The following SCGB1A1 variants were observed in gnomAD, a reference collection of about 807,000 sequenced individuals.
SCGB1A1 encodes secretoglobin family 1A member 1, also known as uteroglobin.
Under a neutral mutation model 7.5 loss-of-function variants are expected in SCGB1A1, and 8 were observed. The observed-to-expected ratio is 1.07, with a 90% confidence interval of 0.63 to 1.92. The LOEUF (loss-of-function observed/expected upper bound fraction) is 1.92, where lower values mean the gene tolerates loss of function less well. Ranked by LOEUF, SCGB1A1 falls within the 30% of genes most tolerant of loss-of-function variation. SCGB1A1 has a pLI of 0.00. For synonymous variants in SCGB1A1, 44 were observed against 40.8 expected (o/e 1.08, Z -0.30); for missense variants, 121 against 112.7 (o/e 1.07, Z -0.33).
intron 2 of SCGB1A1, 79 bp from the exon 3 acceptor site, chr11:62,422,980 G>A: frequency 3.7e-6 from 5 of 1,349,304 alleles, no homozygotes; most frequent in Non-Finnish European, 5.3e-6. Flanking sequence ...AAGTTTCTGT[G>A]GCTCGTCATC....
At chr11:62,422,981 G>A in intron 2 of SCGB1A1, 78 bp from the exon 3 acceptor site, 2 of 1,360,284 alleles carry the variant, frequency 1.5e-6, no homozygotes, top group South Asian at 1.2e-5. Flanking sequence ...AGTTTCTGTG[G>A]CTCGTCATCT....
At chr11:62,421,136 T>A (rs142609947) in intron 1 of SCGB1A1, among the ~76,000 whole-genome samples, 1 of 152,218 alleles carries the variant, frequency 6.6e-6, no homozygotes, top group Non-Finnish European at 1.5e-5. Flanking sequence ...AGTGGCAATT[T>A]CTAGTGAGGC....
rs1041849810 is a variant in SCGB1A1, at chr11:62,419,103, T to C, written c.8T>C (p.Leu3Pro). MK[L>P]AVTLTLVTLA... ...GCATCCCCCTCCTCCACCATGAAAC[T>C]CGCTGTCACCCTCACCCTGGTCACA... Residue 3 changes from leucine to proline, a missense_variant, in exon 1 of 3, where the codon CTC becomes CCC. Transcript: ENST00000278282. The C allele has an allele frequency of 8.8e-6, 14 of 1,583,008 alleles. No individual in the cohort carries two copies. The highest frequency in any genetic ancestry group is 1.4e-5 in the African/African-American group (1 of 73,942).
At chr11:62,421,491 T>TTGCTTG (rs1565187880) in intron 1 of SCGB1A1, among the ~76,000 whole-genome samples, 13 of 148,734 alleles carry the variant, frequency 8.7e-5, no homozygotes, top group Non-Finnish European at 1.3e-4. Context: ...TTTTCTTTTC[T>TTGCTTG]CTTGCTTGCT....
intron 2 of SCGB1A1, 43 bp from the exon 3 acceptor site, chr11:62,423,016 C>T: frequency 6.3e-7 from 1 of 1,584,944 alleles, no homozygotes; most frequent in Non-Finnish European, 8.7e-7. Flanking sequence ...AATTCATTCA[C>T]TGTTGTATTG....
intron 1 of SCGB1A1, among the ~76,000 whole-genome samples, chr11:62,420,857 C>T (rs1937770923): frequency 6.6e-6 from 1 of 151,734 alleles, no homozygotes; most frequent in Non-Finnish European, 1.5e-5. Context: ...ATCACTTGAA[C>T]CTGGGAGGCA....
At chr11:62,421,491 T>TCTTGCTTGCTTGCTTGCTTGCTTG (rs10676203) in intron 1 of SCGB1A1, among the ~76,000 whole-genome samples, 2 of 148,736 alleles carry the variant, frequency 1.3e-5, no homozygotes, top group African/African-American at 5.0e-5. Context: ...TTTTCTTTTC[T>TCTTGCTTGCTTGCTTGCTTGCTTG]CTTGCTTGCT....
At chr11:62,421,653 G>A (rs2509969) in intron 1 of SCGB1A1, among the ~76,000 whole-genome samples, 14,848 of 150,312 alleles carry the variant, frequency 0.099, 2,423 homozygotes, top group African/African-American at 0.34. Flanking sequence ...CTAGGATTAC[G>A]GGTGCCCAGA....
At chr11:62,422,597 C>A (rs1237645641) in intron 2 of SCGB1A1, among the ~76,000 whole-genome samples, 189 bp downstream of exon 2, 5 of 111,974 alleles carry the variant, frequency 4.5e-5, no homozygotes, top group East Asian at 2.5e-4. Context: ...TTTTTTGAGA[C>A]AGAGTCTCGC....
chr11:62,421,526 T>TGC (rs1565187905), intron 1 of SCGB1A1, among the ~76,000 whole-genome samples: 2 of 151,940 alleles, frequency 1.3e-5, no homozygotes, highest in Non-Finnish European at 2.9e-5. Context: ...CTTGCTTGCT[T>TGC]TTTGAGACAG....
At chr11:62,420,804 G>T (rs987164295) in intron 1 of SCGB1A1, among the ~76,000 whole-genome samples, 1 of 151,266 alleles carries the variant, frequency 6.6e-6, no homozygotes, top group African/African-American at 2.4e-5. Context: ...GCATGGTGGC[G>T]CATGCCTGTA....
rs373607301 is a variant in SCGB1A1, at chr11:62,421,335, G to T, written c.56-886G>T. Among the ~76,000 whole-genome samples the T allele has an allele frequency of 1.8e-3, 268 of 152,304 alleles. 2 individuals are homozygous for T. Among genetic ancestry groups the T allele is most frequent in the African/African-American group, 6.2e-3 (256 of 41,570 alleles). ...AGCTCTGTGTTGAAGGGAATGAAGT[G>T]GTACAAGTGGCTGCTCTGTCCATGA... On this transcript the variant is annotated intron_variant, in intron 1 of 2. Transcript: ENST00000278282.
chr11:62,420,750 C>A (rs554091063), intron 1 of SCGB1A1, among the ~76,000 whole-genome samples: 14 of 151,234 alleles, frequency 9.3e-5, no homozygotes, highest in African/African-American at 3.4e-4. Context: ...ACCTGGCCAA[C>A]ATGGTGAAAC....
chr11:62,423,137 C>G lies in SCGB1A1; in HGVS notation c.*46C>G, dbSNP rs747759927. On this transcript the variant is annotated 3_prime_UTR_variant, in exon 3 of 3. Coordinates refer to ENST00000278282, the MANE Select transcript of SCGB1A1 (RefSeq NM_003357.5). ...CCAACTGCTCCAGCCTCTGCCGCTG[C>G]CATGCTTTGAGTCCACGCCCACCAG... The G allele has an allele frequency of 5.3e-5, 84 of 1,593,256 alleles. No individual in the cohort carries two copies. Among genetic ancestry groups the G allele is most frequent in the Non-Finnish European group, 6.8e-5 (79 of 1,161,328 alleles).
intron 1 of SCGB1A1, among the ~76,000 whole-genome samples, chr11:62,421,111 G>A (rs967904084): frequency 6.6e-6 from 1 of 151,400 alleles, no homozygotes; most frequent in South Asian, 2.1e-4. Flanking sequence ...AAGTTCTGGA[G>A]AGGGTCTGAC....
chr11:62,419,183 G>T (rs1374953108), intron 1 of SCGB1A1, 33 bp downstream of exon 1: 1 of 1,439,360 alleles, frequency 6.9e-7, no homozygotes, highest in Non-Finnish European at 9.2e-7. Context: ...CTCCCTCCTG[G>T]ACTTAGGAAC....
Position 62,419,090 on chromosome 11 carries a change from T to C in SCGB1A1, c.-6T>C. On this transcript the variant is annotated 5_prime_UTR_variant, in exon 1 of 3. Coordinates refer to ENST00000278282, the MANE Select transcript of SCGB1A1 (RefSeq NM_003357.5). ...GAGACGGGCCAGAGCATCCCCCTCC[T>C]CCACCATGAAACTCGCTGTCACCCT... 1 of 1,584,392 alleles carries C rather than the reference T, an allele frequency of 6.3e-7. No homozygotes were observed. Among genetic ancestry groups the C allele is most frequent in the Non-Finnish European group, 8.6e-7 (1 of 1,162,884 alleles).
At chr11:62,422,749 A>G (rs1937833204) in intron 2 of SCGB1A1, among the ~76,000 whole-genome samples, 1 of 151,782 alleles carries the variant, frequency 6.6e-6, no homozygotes, top group African/African-American at 2.4e-5. Context: ...TAATTTCTGT[A>G]TTTTTGTAGA....
chr11:62,421,435 C>G (rs1040120021), intron 1 of SCGB1A1, among the ~76,000 whole-genome samples: 1 of 150,896 alleles, frequency 6.6e-6, no homozygotes, highest in Non-Finnish European at 1.5e-5. Context: ...CCATGTTTGG[C>G]TGGTACAATC....
Sources: gnomAD v4.1 joint callset for allele counts (sites outside exome capture counted in the v4.1 genomes callset) on GRCh38, gnomAD v4.1.1 for gene constraint, MANE v1.5 for transcripts, NCBI Gene and HGNC (gene_info 2026-07-23, HGNC 2026-07-21) for gene names.